The following PCDHGA8 variants were observed in gnomAD, a reference collection of about 807,000 sequenced individuals.
The protein encoded by PCDHGA8 is protocadherin gamma-A8.
In PCDHGA8, 45 loss-of-function variants were observed where a neutral mutation model predicts 59.2. The ratio of observed to expected loss-of-function variants is 0.76; its 90% CI spans 0.60 to 0.98. The LOEUF (loss-of-function observed/expected upper bound fraction) is 0.98. Among genes scored for constraint, PCDHGA8 ranks in the 50% least tolerant of loss-of-function variants. The probability of loss-of-function intolerance (pLI) is 0.00; values close to 1 mark genes in which losing one functional copy is unlikely to be tolerated. For missense variants in PCDHGA8, 1,257 were observed against 1,196.2 expected (o/e 1.05, Z -0.75); for synonymous variants, 531 against 519.0 (o/e 1.02, Z -0.32).
rs532517723 is a variant in PCDHGA8, at chr5:141,486,244, A to G, written c.2425-8563A>G. The G allele has an allele frequency of 1.2e-5, 19 of 1,614,068 alleles. No homozygotes were observed. The Admixed American group carries it at 2.3e-4, about 20-fold the overall frequency. On this transcript the variant is annotated intron_variant, in intron 1 of 3. Coordinates refer to ENST00000398604, the MANE Select transcript of PCDHGA8 (RefSeq NM_032088.2). This position sits in a 1 kb window ranked among gnomAD's most constrained non-coding sequence, Gnocchi z 5.0. ...ACATCACAGTGACCTCAGAGCTTGGAACCCTCCCCGAGAGTGCAGAACCTG... is the reference window on the plus strand; with the variant it reads ...ACATCACAGTGACCTCAGAGCTTGGGACCCTCCCCGAGAGTGCAGAACCTG...
At chr5:141,454,092 T>C (rs552760379) in intron 1 of PCDHGA8, among the ~76,000 whole-genome samples, 2 of 152,316 alleles carry the variant, frequency 1.3e-5, no homozygotes, top group East Asian at 3.9e-4. Flanking sequence ...GAAATTTGAA[T>C]TGAACATAAA....
rs1561641299 is a variant in PCDHGA8 at position 141,393,237 on chromosome 5, A to C, written c.424A>C (p.Ile142Leu). The change falls in exon 1 of 4, where the codon ATT becomes CTT. Residue 142 changes from isoleucine (I) to leucine (L), a missense_variant. Ile to Leu is a conservative substitution (Grantham distance 5). Coordinates refer to ENST00000398604, the MANE Select transcript of PCDHGA8 (RefSeq NM_032088.2). ...CCAGGTCGAAGATCTAGAAGTAAAA[A>C]TTAACGAAATCGCGGTTCCTGGAGC... ...KFQVEDLEVK[I>L]NEIAVPGARY... 1 of 1,613,684 alleles carries C rather than the reference A, an allele frequency of 6.2e-7. No homozygotes were observed. Among genetic ancestry groups the C allele is most frequent in the Non-Finnish European group, 8.5e-7 (1 of 1,179,912 alleles).
rs772195653 is a variant in PCDHGA8 at position 141,477,704 on chromosome 5, C to A, written c.2425-17103C>A. On this transcript the variant is annotated intron_variant, in intron 1 of 3. Transcript: ENST00000398604. The surrounding 1 kb of genome is among the most constrained non-coding windows in gnomAD (Gnocchi z 4.9). ...CTTAGTGCCCCTAGACTATGAGGAT[C>A]GGCGGGAATTTGAATTAACAGCTCA... The A allele has an allele frequency of 5.0e-6, 8 of 1,613,850 alleles. No individual in the cohort carries two copies. Among genetic ancestry groups the A allele is most frequent in the Non-Finnish European group, 5.9e-6 (7 of 1,180,046 alleles).
chr5:141,441,633 C>T, intron 1 of PCDHGA8: 1 of 226,756 alleles, frequency 4.4e-6, no homozygotes, highest in Non-Finnish European at 8.9e-6. Flanking sequence ...CCTGGAGCCA[C>T]AGGCGCTGTG....
At chr5:141,472,172 T>A (rs548514406) in intron 1 of PCDHGA8, among the ~76,000 whole-genome samples, 11 of 152,326 alleles carry the variant, frequency 7.2e-5, no homozygotes, top group African/African-American at 2.6e-4. Context: ...AGGTGTAATA[T>A]CCAGTATTGG....
chr5:141,461,655 ATTTTAAAG>A (rs2099019832), intron 1 of PCDHGA8, among the ~76,000 whole-genome samples: 1 of 152,022 alleles, frequency 6.6e-6, no homozygotes, highest in African/African-American at 2.4e-5. Flanking sequence ...CCCATGGATT[ATTTTAAAG>A]TTTGTTATTT....
chr5:141,442,119 C>T (rs563017984), intron 1 of PCDHGA8: 1 of 166,262 alleles, frequency 6.0e-6, no homozygotes, highest in African/African-American at 2.4e-5. Context: ...CCCCTCGTCG[C>T]CGACAGCCTG....
chr5:141,395,370 G>C, intron 1 of PCDHGA8, 133 bp downstream of exon 1: 1 of 1,207,198 alleles, frequency 8.3e-7, no homozygotes, highest in Non-Finnish European at 1.1e-6. Context: ...GTTTATTTTG[G>C]TGGTGTTACT....
chr5:141,415,461 T>C, intron 1 of PCDHGA8: 5 of 1,614,180 alleles, frequency 3.1e-6, no homozygotes, highest in Non-Finnish European at 4.2e-6. Context: ...ACGAGGTCTC[T>C]CTCACCGCGG....
intron 1 of PCDHGA8, chr5:141,410,511 G>C (rs755576652): frequency 6.2e-7 from 1 of 1,613,824 alleles, no homozygotes; most frequent in Non-Finnish European, 8.5e-7. Flanking sequence ...CTAAAATGCA[G>C]TGTGCCCCTA....
rs776330769 is a variant in PCDHGA8 at position 141,413,206 on chromosome 5, T to G, written c.2424+17969T>G. The stretch of plus-strand genomic sequence containing the variant: ...CGCTCAAAGGAATCGCTCAAAGGAA[T>G]CAAAGGATTGCAGCGGGCTGGTCCT... On this transcript the variant is annotated intron_variant, in intron 1 of 3. Transcript: ENST00000398604. 4.3e-6 allele frequency: 7 copies of G among 1,612,936 alleles called. 1 individual carries two copies. In the South Asian group the frequency reaches 7.7e-5, roughly 18 times the overall value.
intron 1 of PCDHGA8, among the ~76,000 whole-genome samples, chr5:141,452,988 T>C (rs2098753680): frequency 6.6e-6 from 1 of 152,228 alleles, no homozygotes; most frequent in Admixed American, 6.5e-5. Context: ...AGTACTGTGC[T>C]GAAAAGTTAC....
At chr5:141,500,086 A>G (rs1456179271) in intron 2 of PCDHGA8, among the ~76,000 whole-genome samples, 1 of 151,682 alleles carries the variant, frequency 6.6e-6, no homozygotes, top group Non-Finnish European at 1.5e-5. Flanking sequence ...TCCATCTTCC[A>G]TTTTTGCAAT....
chr5:141,488,480 C>A (rs935896624), intron 1 of PCDHGA8, among the ~76,000 whole-genome samples: 6 of 152,298 alleles, frequency 3.9e-5, no homozygotes, highest in African/African-American at 1.4e-4. Flanking sequence ...GTTCCCCTAC[C>A]CAAAAACTGT....
intron 1 of PCDHGA8, among the ~76,000 whole-genome samples, chr5:141,482,832 G>A (rs2099573281): frequency 6.6e-6 from 1 of 152,188 alleles, no homozygotes; most frequent in Non-Finnish European, 1.5e-5. Flanking sequence ...AGCACTTTGG[G>A]AGGCCAAGGT....
At chr5:141,502,887 G>T (rs2099816882) in intron 2 of PCDHGA8, among the ~76,000 whole-genome samples, 1 of 40,910 alleles carries the variant, frequency 2.4e-5, no homozygotes, top group Non-Finnish European at 4.5e-5. Context: ...TTTTGACAGG[G>T]AGTCTAGCTC....
intron 1 of PCDHGA8, chr5:141,395,463 C>G (rs1164636639): frequency 6.9e-6 from 4 of 582,400 alleles, no homozygotes; most frequent in African/African-American, 5.7e-5. Flanking sequence ...CCATTTTAAG[C>G]CTTCCAGTAT....
intron 3 of PCDHGA8, among the ~76,000 whole-genome samples, chr5:141,509,776 C>T (rs898626809): frequency 7.2e-5 from 11 of 152,140 alleles, no homozygotes; most frequent in African/African-American, 9.7e-5. Context: ...GTCTAGTCCC[C>T]GAGATCATCA....
chr5:141,485,362 G>T lies in PCDHGA8; in HGVS notation c.2425-9445G>T. 6.2e-7 allele frequency: 1 copy of T among 1,614,144 alleles called. No individual in the cohort carries two copies. ...ATACGGACAGTCTGTCAGCTCGCAG[G>T]CTGCAGGTCGCTGGAGAGGTGAACC... is the stretch of plus-strand genomic sequence containing the variant. On this transcript the variant is annotated intron_variant, in intron 1 of 3. Coordinates refer to ENST00000398604, the MANE Select transcript of PCDHGA8 (RefSeq NM_032088.2). The surrounding 1 kb of genome is among the most constrained non-coding windows in gnomAD (Gnocchi z 5.7).
Sources: allele counts gnomAD v4.1 joint callset (sites outside exome capture counted in the v4.1 genomes callset), GRCh38; gene constraint gnomAD v4.1.1; non-coding constraint Gnocchi (gnomAD v3.1); transcripts MANE v1.5; gene names NCBI Gene and HGNC (gene_info 2026-07-23, HGNC 2026-07-21).